SCNN1B: variants seen among roughly 807,000 people sequenced by gnomAD.
SCNN1B encodes sodium channel epithelial 1 subunit beta.
Under a neutral mutation model 65.3 loss-of-function variants are expected in SCNN1B, and 46 were observed. The observed-to-expected ratio is 0.70, with a 90% CI of 0.56 to 0.90. The LOEUF (loss-of-function observed/expected upper bound fraction) is 0.90, where lower values mean the gene tolerates loss of function less well. Among genes scored for constraint, SCNN1B ranks in the 40% least tolerant of loss-of-function variants. The pLI, the probability that SCNN1B is intolerant of heterozygous loss-of-function variation, is 0.00. For missense variants in SCNN1B, 751 were observed against 830.5 expected (o/e 0.90, Z 1.18); for synonymous variants, 349 against 330.6 (o/e 1.06, Z -0.60).
chr16:23,358,776 G>T (rs148317591), intron 4 of SCNN1B, among the ~76,000 whole-genome samples: 1 of 152,218 alleles, frequency 6.6e-6, no homozygotes, highest in Non-Finnish European at 1.5e-5. Flanking sequence ...GTGTGGTGGC[G>T]CATGCCTGTA....
At chr16:23,376,811 T>C (rs895516387) in intron 8 of SCNN1B, among the ~76,000 whole-genome samples, 1 of 149,354 alleles carries the variant, frequency 6.7e-6, no homozygotes, top group Non-Finnish European at 1.5e-5. Context: ...AAGAATGCTG[T>C]CAGCCGGAGA....
chr16:23,281,340 G>C (rs1960781128), intron 1 of SCNN1B, among the ~76,000 whole-genome samples: 1 of 152,180 alleles, frequency 6.6e-6, no homozygotes, highest in African/African-American at 2.4e-5. Context: ...GGCTGAGGCA[G>C]GAGAATCACT....
At chr16:23,304,038 G>A in intron 1 of SCNN1B, 1 of 1,532,586 alleles carries the variant, frequency 6.5e-7, no homozygotes. Context: ...TATTTAAACT[G>A]CTGCATGGAT....
intron 1 of SCNN1B, among the ~76,000 whole-genome samples, chr16:23,308,165 C>T (rs1161547186): frequency 1.3e-5 from 2 of 152,080 alleles, no homozygotes; most frequent in Non-Finnish European, 2.9e-5. Flanking sequence ...GATCATCAGG[C>T]TACACTCCAG....
At position 23,380,198 on chromosome 16, in the gene SCNN1B, G is replaced by A. The variant is rs1222811856; in HGVS notation, c.1542+29G>A. ...AGTTTAGGAGTCTCCCAATACCCCA[G>A]CCCTGCCCTGCCCTGACCCCTGCAC... is the stretch of plus-strand genomic sequence containing the variant. On this transcript the variant is annotated intron_variant, in intron 12 of 12. Coordinates refer to ENST00000343070, the MANE Select transcript of SCNN1B (RefSeq NM_000336.3). This position sits in a 1 kb window ranked among gnomAD's most constrained non-coding sequence, Gnocchi z 5.4. The A allele has an allele frequency of 1.3e-6, 2 of 1,575,946 alleles. No individual in the cohort carries two copies. Among genetic ancestry groups the A allele is most frequent in the Admixed American group, 3.3e-5 (2 of 59,964 alleles).
intron 1 of SCNN1B, among the ~76,000 whole-genome samples, chr16:23,324,538 C>G (rs1327086864): frequency 6.6e-6 from 1 of 152,086 alleles, no homozygotes; most frequent in Non-Finnish European, 1.5e-5. Context: ...TCCTGTTTCT[C>G]AAAGTGAAAC....
chr16:23,308,472 A>G (rs1166000797), intron 1 of SCNN1B, among the ~76,000 whole-genome samples: 1 of 152,182 alleles, frequency 6.6e-6, no homozygotes, highest in Non-Finnish European at 1.5e-5. Context: ...GCAGTGAGCC[A>G]TGATCATGCC....
chr16:23,344,823 A>G (rs760507441), intron 1 of SCNN1B, among the ~76,000 whole-genome samples: 1 of 152,090 alleles, frequency 6.6e-6, no homozygotes, highest in Non-Finnish European at 1.5e-5. Context: ...GCAAAACCTT[A>G]TCTCTACTGA....
At position 23,380,891 on chromosome 16, in the gene SCNN1B, G is replaced by A; in HGVS notation, c.*90G>A. 7.0e-7 allele frequency: 1 copy of A among 1,421,842 alleles called. No homozygotes were observed. The highest frequency in any genetic ancestry group is 9.9e-7 in the Non-Finnish European group (1 of 1,011,050). 88.1% of individuals were successfully genotyped at this position (1,421,842 alleles called of 1,614,324 possible). On this transcript the variant is annotated 3_prime_UTR_variant, in exon 13 of 13. Transcript: ENST00000343070. The surrounding 1 kb of genome is among the most constrained non-coding windows in gnomAD (Gnocchi z 5.4). ...TCACTGTATGGTGCCCTCTCCAAAG[G>A]GTCGGGAGGGTAGCTCTCCAGGCCA...
chr16:23,330,746 A>C (rs1961794497), intron 1 of SCNN1B, among the ~76,000 whole-genome samples: 1 of 151,804 alleles, frequency 6.6e-6, no homozygotes, highest in Admixed American at 6.6e-5. Context: ...CTAATTTGTA[A>C]ATTTTTTCTA....
chr16:23,364,809 G>A (rs1458002685), intron 4 of SCNN1B, among the ~76,000 whole-genome samples: 3 of 152,096 alleles, frequency 2.0e-5, no homozygotes, highest in African/African-American at 7.2e-5. Flanking sequence ...GGCCAACATA[G>A]TGAAACACCA....
At chr16:23,372,979 C>T (rs141085678) in intron 7 of SCNN1B, among the ~76,000 whole-genome samples, 19 of 151,748 alleles carry the variant, frequency 1.3e-4, no homozygotes, top group Admixed American at 6.5e-4. Context: ...TCGTGGCACA[C>T]GCCTGTAGTC....
At chr16:23,378,156 C>T (rs2142047143) in intron 10 of SCNN1B, among the ~76,000 whole-genome samples, 1 of 152,262 alleles carries the variant, frequency 6.6e-6, no homozygotes, top group Admixed American at 6.5e-5. Context: ...ACCACAGGCA[C>T]ATGCCACCAG....
intron 4 of SCNN1B, 31 bp from the exon 5 acceptor site, chr16:23,367,825 C>A (rs775427775): frequency 6.4e-6 from 10 of 1,553,688 alleles, no homozygotes; most frequent in Non-Finnish European, 8.9e-6. Context: ...TGTGGTGGAA[C>A]CTGCCCTGCA....
At chr16:23,363,329 A>G (rs1962589079) in intron 4 of SCNN1B, among the ~76,000 whole-genome samples, 1 of 152,220 alleles carries the variant, frequency 6.6e-6, no homozygotes, top group Non-Finnish European at 1.5e-5. Context: ...TGAGGCACGA[A>G]GACGTGATGT....
chr16:23,296,677 C>G (rs1388811571), intron 2 of SCNN1B, among the ~76,000 whole-genome samples: 1 of 152,082 alleles, frequency 6.6e-6, no homozygotes, highest in African/African-American at 2.4e-5. Context: ...AGGGAAGCAC[C>G]CGGAGCTTGC....
chr16:23,371,886 G>A lies in SCNN1B; in HGVS notation c.1152+3G>A. The stretch of plus-strand genomic sequence containing the variant: ...ACAACACGACCTACTCCATCCAGGT[G>A]GGAAGGTGGTGCACGCCTCATGCCC... On this transcript the variant is annotated splice_donor_region_variant and intron_variant, in intron 7 of 12. Transcript: ENST00000343070. 2 of 1,609,304 alleles carry A rather than the reference G, an allele frequency of 1.2e-6. No individual in the cohort carries two copies. The highest frequency in any genetic ancestry group is 8.5e-7 in the Non-Finnish European group (1 of 1,175,572).
chr16:23,287,506 G>C (rs764231892), intron 2 of SCNN1B, among the ~76,000 whole-genome samples: 8 of 152,014 alleles, frequency 5.3e-5, no homozygotes, highest in Non-Finnish European at 7.4e-5. Context: ...GAGCCTAGGA[G>C]TTCAAGACCA....
intron 2 of SCNN1B, among the ~76,000 whole-genome samples, chr16:23,292,705 T>C (rs1225904096): frequency 6.6e-6 from 1 of 151,700 alleles, no homozygotes; most frequent in Non-Finnish European, 1.5e-5. Context: ...ATTTTTGCCA[T>C]GTTGCCCAGG....
Sources: gnomAD v4.1 joint callset for allele counts (sites outside exome capture counted in the v4.1 genomes callset) on GRCh38, gnomAD v4.1.1 for gene constraint, Gnocchi (gnomAD v3.1) non-coding constraint, MANE v1.5 for transcripts, NCBI Gene and HGNC (gene_info 2026-07-23, HGNC 2026-07-21) for gene names.